The following AGK variants were observed in gnomAD, a reference collection of about 807,000 sequenced individuals.
The protein encoded by AGK is acylglycerol kinase, mitochondrial.
In AGK, 52 loss-of-function variants were observed where a neutral mutation model predicts 66.4. The observed-to-expected ratio is 0.78, with a 90% CI of 0.63 to 0.99. AGK has a LOEUF of 0.99. Ranked by LOEUF, AGK falls within the 50% of genes least tolerant of loss-of-function variation. The pLI is 0.00. For synonymous variants in AGK, 182 were observed against 181.1 expected (o/e 1.00, Z -0.04); for missense variants, 451 against 506.6 (o/e 0.89, Z 1.05).
chr7:141,553,651 G>T (rs996079760), intron 1 of AGK, among the ~76,000 whole-genome samples: 1 of 152,194 alleles, frequency 6.6e-6, no homozygotes. Flanking sequence ...AAGGGCTCTT[G>T]AATGAAGGAG....
In AGK at chr7:141,653,037, C is replaced by T. The variant is rs759616698; in HGVS notation, c.*113C>T. On this transcript the variant is annotated 3_prime_UTR_variant, in exon 16 of 16. Coordinates refer to ENST00000649286, the MANE Select transcript of AGK (RefSeq NM_018238.4). ...CGTCAGAGGGTCCCCAGGGCATTTT[C>T]ATGGCAAGTACCCCTCTGCCCCCAC... 156 of 1,324,444 alleles carry T rather than the reference C, an allele frequency of 1.2e-4. No homozygotes were observed. The highest frequency in any genetic ancestry group is 1.5e-4 in the Non-Finnish European group (146 of 957,242). 82.0% of individuals were successfully genotyped at this position (1,324,444 alleles called of 1,614,324 possible).
intron 2 of AGK, among the ~76,000 whole-genome samples, chr7:141,583,248 C>A (rs372616254): frequency 5.3e-5 from 8 of 151,690 alleles, no homozygotes; most frequent in African/African-American, 1.9e-4. Context: ...GTTTTAAGTT[C>A]TTGAGAACAC....
intron 2 of AGK, among the ~76,000 whole-genome samples, chr7:141,560,344 T>A (rs937462438): frequency 9.2e-5 from 14 of 152,086 alleles, no homozygotes. Context: ...CAAACTTGTT[T>A]TTACCCTGAG....
Position 141,555,714 on chromosome 7 carries a change from A to G in AGK, c.101+147A>G, listed in dbSNP as rs758908801. The G allele has an allele frequency of 6.9e-5, 39 of 568,034 alleles. 1 individual carries two copies. The highest frequency in any genetic ancestry group is 1.0e-4 in the Non-Finnish European group (34 of 325,258). The allele number at this position is 568,034 out of a possible 1,614,324, so 35.2% of individuals were successfully genotyped here. A position where few individuals can be genotyped will look rare whatever the true frequency, so the allele number is the denominator to read the frequency against. ...TAAATGCTATTCAAAGCAAAAACAAAGACTTCTTGTAACCAGAGCTGGAAC... is the reference window on the plus strand; with the variant it reads ...TAAATGCTATTCAAAGCAAAAACAAGGACTTCTTGTAACCAGAGCTGGAAC... On this transcript the variant is annotated intron_variant, in intron 2 of 15. Coordinates refer to ENST00000649286, the MANE Select transcript of AGK (RefSeq NM_018238.4). This position sits in a 1 kb window ranked among gnomAD's most constrained non-coding sequence, Gnocchi z 4.2.
rs184916501 is a variant in AGK, at chr7:141,583,768, T to C, written c.102-9378T>C. On this transcript the variant is annotated intron_variant, in intron 2 of 15. Coordinates refer to ENST00000649286, the MANE Select transcript of AGK (RefSeq NM_018238.4). ...GGATAAAACATGTCTCCTTTGTTTC[T>C]ACCAGAAAAGGAAAGGAACTGAAAT... Among the ~76,000 whole-genome samples the C allele has an allele frequency of 2.6e-5, 4 of 151,992 alleles. No individual in the cohort carries two copies. In the East Asian group the frequency reaches 7.7e-4, roughly 29 times the overall value.
At position 141,614,130 on chromosome 7, in the gene AGK, A is replaced by T. The variant is rs778518178; in HGVS notation, c.391-16A>T. On this transcript the variant is annotated splice_polypyrimidine_tract_variant and intron_variant, in intron 6 of 15. Coordinates refer to ENST00000649286, the MANE Select transcript of AGK (RefSeq NM_018238.4). ...TACATATTATTTATAACAATGTTTT[A>T]TTATTACATTTGTAGGTTGTTACTG... is the stretch of plus-strand genomic sequence containing the variant. The T allele has an allele frequency of 2.0e-6, 3 of 1,500,994 alleles. No individual in the cohort carries two copies. Among genetic ancestry groups the T allele is most frequent in the Non-Finnish European group, 2.7e-6 (3 of 1,093,126 alleles). The allele number at this position is 1,500,994 out of a possible 1,614,324, so 93.0% of individuals were successfully genotyped here.
chr7:141,581,583 C>T (rs1012994533), intron 2 of AGK, among the ~76,000 whole-genome samples: 3 of 151,622 alleles, frequency 2.0e-5, no homozygotes, highest in Non-Finnish European at 2.9e-5. Context: ...TGGCATTGAG[C>T]GAGGTAAGGG....
At chr7:141,579,494 C>G (rs544686590) in intron 2 of AGK, among the ~76,000 whole-genome samples, 47 of 151,850 alleles carry the variant, frequency 3.1e-4, no homozygotes, top group African/African-American at 1.0e-3. Context: ...AGGCCTCTAC[C>G]CATCTAGTGA....
At chr7:141,592,489 C>T (rs1024486796) in intron 2 of AGK, among the ~76,000 whole-genome samples, 1 of 152,258 alleles carries the variant, frequency 6.6e-6, no homozygotes, top group African/African-American at 2.4e-5. Context: ...AGGACGATCT[C>T]CCATGTCAGG....
At chr7:141,591,268 T>C (rs563566333) in intron 2 of AGK, among the ~76,000 whole-genome samples, 7 of 151,988 alleles carry the variant, frequency 4.6e-5, no homozygotes, top group Admixed American at 2.6e-4. Context: ...AATTTTTATA[T>C]TTTTAGTAGA....
chr7:141,568,634 C>T (rs112533992), intron 2 of AGK, among the ~76,000 whole-genome samples: 4 of 151,500 alleles, frequency 2.6e-5, no homozygotes, highest in African/African-American at 7.3e-5. Context: ...TGCAGTGACA[C>T]GATCTTGGCT....
intron 8 of AGK, among the ~76,000 whole-genome samples, chr7:141,617,884 C>T (rs1442872630): frequency 3.3e-5 from 5 of 152,060 alleles, no homozygotes; most frequent in African/African-American, 1.2e-4. Flanking sequence ...TTAATATATT[C>T]ATATCAAATT....
intron 2 of AGK, among the ~76,000 whole-genome samples, chr7:141,579,575 GT>G (rs1795838802): frequency 3.3e-5 from 5 of 151,984 alleles, no homozygotes. Flanking sequence ...TAATTTGCCA[GT>G]CCTGGGCAGG....
chr7:141,613,215 T>C (rs1796633093), intron 6 of AGK, among the ~76,000 whole-genome samples: 1 of 152,170 alleles, frequency 6.6e-6, no homozygotes, highest in Non-Finnish European at 1.5e-5. Context: ...CTTTACAAAA[T>C]GTTTTTAAAG....
chr7:141,602,209 G>GTGTGTGTGTGTA (rs1796363745), intron 5 of AGK, among the ~76,000 whole-genome samples: 1 of 151,278 alleles, frequency 6.6e-6, no homozygotes, highest in African/African-American at 2.4e-5. Flanking sequence ...GTGTGTGTGT[G>GTGTGTGTGTGTA]TGTATGTAGA....
In AGK at chr7:141,558,230, T is replaced by C. The variant is rs143459705; in HGVS notation, c.101+2663T>C. 4.3e-3 allele frequency among the ~76,000 whole-genome samples: 659 copies of C among 152,170 alleles called. 7 individuals carry two copies. Among genetic ancestry groups the C allele is most frequent in the African/African-American group, 0.015 (632 of 41,508 alleles). On this transcript the variant is annotated intron_variant, in intron 2 of 15. Coordinates refer to ENST00000649286, the MANE Select transcript of AGK (RefSeq NM_018238.4). Reference sequence around the variant, plus strand: ...TAGAGTGTAGTGGTGTGATCTTGGCTCACTGCAACCTCTGCCTCCGAGGTT... The same window carrying C: ...TAGAGTGTAGTGGTGTGATCTTGGCCCACTGCAACCTCTGCCTCCGAGGTT...
intron 2 of AGK, among the ~76,000 whole-genome samples, chr7:141,587,567 A>G (rs1415001928): frequency 6.6e-6 from 1 of 152,128 alleles, no homozygotes; most frequent in Non-Finnish European, 1.5e-5. Flanking sequence ...TAAATTGGCC[A>G]TGTTCTAGCA....
At chr7:141,595,926 T>A (rs1796215960) in intron 3 of AGK, among the ~76,000 whole-genome samples, 1 of 152,232 alleles carries the variant, frequency 6.6e-6, no homozygotes, top group Non-Finnish European at 1.5e-5. Context: ...TTCTGGACTT[T>A]CTAATCTGGA....
In AGK at chr7:141,555,566, T is replaced by G. The variant is rs1795190720; in HGVS notation, c.100T>G (p.Cys34Gly). The G allele has an allele frequency of 2.5e-6, 4 of 1,611,246 alleles. No individual in the cohort carries two copies. In the East Asian group the frequency reaches 8.9e-5, roughly 36 times the overall value. The change falls in exon 2 of 16, where the codon TGT (cysteine) becomes GGT (glycine). Residue 34 changes from cysteine (C) to glycine (G), a missense_variant and splice_region_variant. Coordinates refer to ENST00000649286, the MANE Select transcript of AGK (RefSeq NM_018238.4). The surrounding 1 kb of genome is among the most constrained non-coding windows in gnomAD (Gnocchi z 4.2). Reference protein sequence around the residue: ...WGGHWLYGKHCDNLLRRAACQ... With the variant: ...WGGHWLYGKHGDNLLRRAACQ... ...AGGCCATTGGCTCTATGGAAAACAC[T>G]GGTAACTATCTGACAGCCCCATCCC... is the stretch of plus-strand genomic sequence containing the variant.
Sources: gnomAD v4.1 joint callset for allele counts (sites outside exome capture counted in the v4.1 genomes callset) on GRCh38, gnomAD v4.1.1 for gene constraint, Gnocchi (gnomAD v3.1) non-coding constraint, MANE v1.5 for transcripts, NCBI Gene and HGNC (gene_info 2026-07-23, HGNC 2026-07-21) for gene names.